Variants in ME3 observed in about 807,000 individuals in gnomAD.
ME3 encodes malic enzyme 3.
Under a neutral mutation model 68.9 loss-of-function variants are expected in ME3, and 48 were observed. The ratio of observed to expected loss-of-function variants is 0.70; its 90% CI spans 0.55 to 0.89. ME3 has a LOEUF of 0.89. ME3 is among the 40% of genes least tolerant of loss of function. The probability of loss-of-function intolerance (pLI) is 0.00; values close to 1 mark genes in which losing one functional copy is unlikely to be tolerated. For missense variants in ME3, 675 were observed against 797.4 expected (o/e 0.85, Z 1.85); for synonymous variants, 320 against 318.8 (o/e 1.00, Z -0.04).
At chr11:86,608,906 C>T (rs374333545) in intron 2 of ME3, among the ~76,000 whole-genome samples, 19 of 152,170 alleles carry the variant, frequency 1.2e-4, no homozygotes, top group African/African-American at 4.6e-4. Context: ...TCTAAAAAGG[C>T]ACGTATTTTT....
At position 86,668,732 on chromosome 11, in the gene ME3, C is replaced by T. The variant is rs75527129; in HGVS notation, c.183+3030G>A. 4.8e-3 allele frequency among the ~76,000 whole-genome samples: 737 copies of T among 152,342 alleles called. 11 individuals carry two copies. The highest frequency in any genetic ancestry group is 0.017 in the African/African-American group (712 of 41,576). On this transcript the variant is annotated intron_variant, in intron 2 of 14. Transcript: ENST00000543262. Reference sequence around the variant, plus strand: ...GCACCTCTTCTCTCAGATAATTCCACCTCCTGACCACCCTCTGTCATACAG... The same window carrying T: ...GCACCTCTTCTCTCAGATAATTCCATCTCCTGACCACCCTCTGTCATACAG...
chr11:86,475,894 G>GAGAA (rs71040239), intron 7 of ME3, among the ~76,000 whole-genome samples: 1 of 148,390 alleles, frequency 6.7e-6, no homozygotes, highest in African/African-American at 2.5e-5. Flanking sequence ...GAGAGAGAGA[G>GAGAA]AGAGAGAAAG....
At chr11:86,445,469 A>G (rs1037259121) in intron 13 of ME3, among the ~76,000 whole-genome samples, 3 of 152,248 alleles carry the variant, frequency 2.0e-5, no homozygotes, top group African/African-American at 7.2e-5. Context: ...CTCAGTGAGA[A>G]GGAAATGCAG....
At chr11:86,610,932 T>A (rs140371242) in intron 2 of ME3, among the ~76,000 whole-genome samples, 1 of 152,330 alleles carries the variant, frequency 6.6e-6, no homozygotes, top group East Asian at 1.9e-4. Context: ...GACAATCCAG[T>A]TGTCAGGCAG....
chr11:86,645,675 C>T (rs1351997338), intron 2 of ME3, among the ~76,000 whole-genome samples: 1 of 152,222 alleles, frequency 6.6e-6, no homozygotes, highest in Non-Finnish European at 1.5e-5. Context: ...AACAGCAGAC[C>T]TCCCAGCACA....
At chr11:86,633,979 A>G (rs1944175107) in intron 2 of ME3, among the ~76,000 whole-genome samples, 1 of 152,184 alleles carries the variant, frequency 6.6e-6, no homozygotes, top group African/African-American at 2.4e-5. Context: ...GGAGGAAAGA[A>G]AAGGAACCAG....
At chr11:86,659,909 T>A (rs898429478) in intron 2 of ME3, among the ~76,000 whole-genome samples, 2 of 147,066 alleles carry the variant, frequency 1.4e-5, no homozygotes, top group Non-Finnish European at 3.0e-5. Context: ...GCTGGATCTA[T>A]TTTTTTTTTA....
intron 2 of ME3, among the ~76,000 whole-genome samples, chr11:86,569,690 T>C (rs1043405664): frequency 6.6e-6 from 1 of 152,214 alleles, no homozygotes; most frequent in Admixed American, 6.5e-5. Flanking sequence ...CTGAGACAGA[T>C]ACTTTACACT....
chr11:86,528,709 A>C (rs1297672055), intron 4 of ME3, among the ~76,000 whole-genome samples: 1 of 151,846 alleles, frequency 6.6e-6, no homozygotes, highest in Non-Finnish European at 1.5e-5. Flanking sequence ...AACTCACTCA[A>C]AACCGCTCAA....
At chr11:86,554,382 T>C (rs868375379) in intron 4 of ME3, among the ~76,000 whole-genome samples, 10 of 152,284 alleles carry the variant, frequency 6.6e-5, no homozygotes, top group Middle Eastern at 3.4e-3. Flanking sequence ...AAAAGCAAAA[T>C]TGTGTATGTT....
intron 7 of ME3, among the ~76,000 whole-genome samples, chr11:86,469,025 C>G (rs1367326392): frequency 6.6e-6 from 1 of 151,962 alleles, no homozygotes; most frequent in African/African-American, 2.4e-5. Flanking sequence ...GACTCAAGAA[C>G]CAGCTTCAGT....
rs565506472 is a variant in ME3 at position 86,502,294 on chromosome 11, A to T, written c.544-4170T>A. ...TTATCACTTCCTTCTCTGAATTCCCATAGCATTTTCCTCACCTACTAAACC... is the reference window on the plus strand; with the variant it reads ...TTATCACTTCCTTCTCTGAATTCCCTTAGCATTTTCCTCACCTACTAAACC... On this transcript the variant is annotated intron_variant, in intron 5 of 14. Transcript: ENST00000543262. Among the ~76,000 whole-genome samples, 19 of 152,324 alleles carry T rather than the reference A, an allele frequency of 1.2e-4. 2 individuals carry two copies. In the South Asian group the frequency reaches 3.9e-3, roughly 32 times the overall value.
chr11:86,556,683 G>A (rs1303763477), exon 4 of ME3: 10 of 1,614,138 alleles, frequency 6.2e-6, no homozygotes, highest in Non-Finnish European at 6.8e-6. Context: ...CGGTCTTGGA[G>A]TGTCATGAGA....
chr11:86,439,007 G>C (rs1025556942), downstream of ME3, among the ~76,000 whole-genome samples: 1 of 152,152 alleles, frequency 6.6e-6, no homozygotes, highest in African/African-American at 2.4e-5. Context: ...CAATATCCCA[G>C]TTAGAAAGGC....
chr11:86,459,674 AG>A (rs1368445540), intron 8 of ME3, among the ~76,000 whole-genome samples: 1 of 152,194 alleles, frequency 6.6e-6, no homozygotes, highest in African/African-American at 2.4e-5. Flanking sequence ...AAGGAAAGGA[AG>A]GTACCGAGAA....
chr11:86,565,051 C>T (rs1239388021), intron 2 of ME3, among the ~76,000 whole-genome samples: 1 of 152,152 alleles, frequency 6.6e-6, no homozygotes, highest in Non-Finnish European at 1.5e-5. Context: ...GGACATTTCT[C>T]TAAAGAAGAT....
intron 2 of ME3, among the ~76,000 whole-genome samples, chr11:86,578,002 C>T (rs1485225028): frequency 6.6e-6 from 1 of 152,100 alleles, no homozygotes; most frequent in Non-Finnish European, 1.5e-5. Context: ...TGGATAAGAA[C>T]CAGCGTGGAA....
At chr11:86,450,178 A>G in intron 9 of ME3, 123 bp downstream of exon 9, 1 of 1,055,390 alleles carries the variant, frequency 9.5e-7, no homozygotes, top group Non-Finnish European at 1.4e-6. Flanking sequence ...AGCTGCAATG[A>G]TCACAATATG....
intron 5 of ME3, among the ~76,000 whole-genome samples, chr11:86,501,774 G>C (rs1952741600): frequency 6.6e-6 from 1 of 152,128 alleles, no homozygotes; most frequent in African/African-American, 2.4e-5. Context: ...CAGCCAATTG[G>C]TCACCAAGTT....
Sources: gnomAD v4.1 joint callset for allele counts (sites outside exome capture counted in the v4.1 genomes callset) on GRCh38, gnomAD v4.1.1 for gene constraint, MANE v1.5 for transcripts, NCBI Gene and HGNC (gene_info 2026-07-23, HGNC 2026-07-21) for gene names.